LRRC4C: variants seen among roughly 807,000 people sequenced by gnomAD.
The protein encoded by LRRC4C is leucine rich repeat containing 4C, also known as leucine-rich repeat-containing protein 4C.
A neutral mutation model predicts 33.6 loss-of-function variants in LRRC4C; 5 were observed. That is an observed-to-expected ratio of 0.15 (90% CI 0.08 to 0.31). The LOEUF (loss-of-function observed/expected upper bound fraction) is 0.31, where lower values mean the gene tolerates loss of function less well. Among genes scored for constraint, LRRC4C ranks in the 10% least tolerant of loss-of-function variants. LRRC4C has a pLI of 1.00. For synonymous variants in LRRC4C, 329 were observed against 302.0 expected (o/e 1.09, Z -0.93); for missense variants, 560 against 796.7 (o/e 0.70, Z 3.58).
chr11:40,202,228 A>C (rs925529096), intron 5 of LRRC4C, among the ~76,000 whole-genome samples: 15 of 151,424 alleles, frequency 9.9e-5, no homozygotes, highest in Middle Eastern at 3.2e-3. Context: ...AAAAAAAAAA[A>C]AAAAAAAAAA....
intron 1 of LRRC4C, among the ~76,000 whole-genome samples, chr11:41,114,057 A>G (rs1055147988): frequency 6.6e-6 from 1 of 152,070 alleles, no homozygotes; most frequent in African/African-American, 2.4e-5. Context: ...GCTAATGTAT[A>G]TATGTCTTTT....
At chr11:40,599,615 A>C (rs1225627925) in intron 3 of LRRC4C, among the ~76,000 whole-genome samples, 3 of 152,140 alleles carry the variant, frequency 2.0e-5, no homozygotes, top group African/African-American at 7.2e-5. Context: ...CACTAGAATG[A>C]ATGCTGGATG....
chr11:40,658,974 G>A (rs1943274796), intron 2 of LRRC4C, among the ~76,000 whole-genome samples: 1 of 152,198 alleles, frequency 6.6e-6, no homozygotes, highest in Admixed American at 6.5e-5. Context: ...TGAGAGCCCT[G>A]CACCCTAATG....
At chr11:41,078,328 T>C (rs1939308826) in intron 1 of LRRC4C, among the ~76,000 whole-genome samples, 1 of 152,198 alleles carries the variant, frequency 6.6e-6, no homozygotes, top group Non-Finnish European at 1.5e-5. Flanking sequence ...CATTTTCAGG[T>C]ATCTTTATGG....
intron 1 of LRRC4C, among the ~76,000 whole-genome samples, chr11:41,107,475 G>A (rs1404917384): frequency 1.3e-5 from 2 of 151,874 alleles, no homozygotes; most frequent in East Asian, 3.9e-4. Flanking sequence ...GGCCTTTAAG[G>A]AGTATTTATG....
Position 40,602,166 on chromosome 11 carries a change from G to C in LRRC4C, c.-270+45976C>G, listed in dbSNP as rs540359384. 1.5e-3 allele frequency among the ~76,000 whole-genome samples: 200 copies of C among 135,370 alleles called. 1 individual carries two copies. Among genetic ancestry groups the C allele is most frequent in the African/African-American group, 5.2e-3 (193 of 36,964 alleles). 88.8% of individuals were successfully genotyped at this position (135,370 alleles called of 152,430 possible). ...GCTGAGATCGTGCCACTGCACTCCA[G>C]CCTGACAACAGAGTGAGAATCTGTC... On this transcript the variant is annotated intron_variant, in intron 3 of 6. Coordinates refer to ENST00000528697, the MANE Select transcript of LRRC4C (RefSeq NM_001258419.2).
At chr11:40,130,908 G>C (rs946527467) in intron 6 of LRRC4C, among the ~76,000 whole-genome samples, 2 of 152,030 alleles carry the variant, frequency 1.3e-5, no homozygotes, top group African/African-American at 4.8e-5. Flanking sequence ...TACCCAGTCA[G>C]AGCCAATTTT....
intron 1 of LRRC4C, among the ~76,000 whole-genome samples, chr11:41,051,547 A>AAAAAAAAAAAAAAAG (rs1858220640): frequency 7.1e-6 from 1 of 141,682 alleles, no homozygotes; most frequent in Non-Finnish European, 1.5e-5. Flanking sequence ...AAAAAAAAAA[A>AAAAAAAAAAAAAAAG]AAAAAAGGAA....
rs571507516 is a variant in LRRC4C at position 40,447,293 on chromosome 11, T to A, written c.-269-127572A>T. On this transcript the variant is annotated intron_variant, in intron 3 of 6. Transcript: ENST00000528697. ...TACTGGAGACATCATTTCTTCTTGC[T>A]TTGGAAACAAATAGAGAACTCTAGA... 1.5e-4 allele frequency among the ~76,000 whole-genome samples: 23 copies of A among 152,318 alleles called. No individual in the cohort carries two copies. The South Asian group carries it at 4.8e-3, about 32-fold the overall frequency.
In LRRC4C at chr11:40,764,996, T is replaced by A. The variant is rs1949384214; in HGVS notation, c.-406-116718A>T. 2.6e-5 allele frequency among the ~76,000 whole-genome samples: 4 copies of A among 152,120 alleles called. No individual in the cohort carries two copies. The South Asian group carries it at 8.3e-4, about 32-fold the overall frequency. Reference sequence around the variant, plus strand: ...ACGAAGGATAGGTACAAACTATTAATATATTAAATATCCAACTCTTCAGTG... The same window carrying A: ...ACGAAGGATAGGTACAAACTATTAAAATATTAAATATCCAACTCTTCAGTG... On this transcript the variant is annotated intron_variant, in intron 2 of 6. Coordinates refer to ENST00000528697, the MANE Select transcript of LRRC4C (RefSeq NM_001258419.2).
intron 2 of LRRC4C, among the ~76,000 whole-genome samples, chr11:40,905,489 A>G (rs1956377680): frequency 6.6e-6 from 1 of 152,210 alleles, no homozygotes; most frequent in Admixed American, 6.5e-5. Context: ...TCTGAGCACA[A>G]GAAAACCCTT....
intron 1 of LRRC4C, among the ~76,000 whole-genome samples, chr11:40,936,063 T>TATATATATAA (rs1957881631): frequency 1.1e-5 from 1 of 92,776 alleles, no homozygotes; most frequent in Non-Finnish European, 2.3e-5. Flanking sequence ...TATATATATA[T>TATATATATAA]ATAACATAGT....
intron 6 of LRRC4C, among the ~76,000 whole-genome samples, chr11:40,125,331 G>A (rs1856135657): frequency 6.6e-6 from 1 of 152,070 alleles, no homozygotes; most frequent in Non-Finnish European, 1.5e-5. Context: ...GGCCAAGAGG[G>A]GAGGCAGCCT....
chr11:41,039,661 A>G (rs569192793), intron 1 of LRRC4C, among the ~76,000 whole-genome samples: 2 of 152,314 alleles, frequency 1.3e-5, no homozygotes, highest in African/African-American at 2.4e-5. Context: ...GCTTCTCTTA[A>G]CATACCAGGA....
chr11:40,467,517 G>T (rs750331625), intron 3 of LRRC4C, among the ~76,000 whole-genome samples: 1 of 152,072 alleles, frequency 6.6e-6, no homozygotes, highest in African/African-American at 2.4e-5. Context: ...TTTTTAGAGC[G>T]CTGGAAACCT....
At chr11:40,215,357 C>T (rs79747007) in intron 5 of LRRC4C, among the ~76,000 whole-genome samples, 2,184 of 152,100 alleles carry the variant, frequency 0.014, 54 homozygotes, top group African/African-American at 0.047. Context: ...TGCTCTCCAC[C>T]CTGTAACCTC....
intron 1 of LRRC4C, among the ~76,000 whole-genome samples, chr11:41,375,144 C>T (rs1952891465): frequency 6.6e-6 from 1 of 151,802 alleles, no homozygotes; most frequent in African/African-American, 2.4e-5. Context: ...AATAAATAGA[C>T]TATTACAGAA....
chr11:41,039,716 C>T (rs1857311573), intron 1 of LRRC4C, among the ~76,000 whole-genome samples: 1 of 152,220 alleles, frequency 6.6e-6, no homozygotes, highest in African/African-American at 2.4e-5. Flanking sequence ...CAAAAATTGG[C>T]TAGAATGAAG....
At chr11:40,835,828 T>G (rs1952644678) in intron 2 of LRRC4C, among the ~76,000 whole-genome samples, 1 of 152,202 alleles carries the variant, frequency 6.6e-6, no homozygotes. Flanking sequence ...TTAATAGCAT[T>G]CCTTTCCGTC....
Sources: allele counts gnomAD v4.1 joint callset (sites outside exome capture counted in the v4.1 genomes callset), GRCh38; gene constraint gnomAD v4.1.1; transcripts MANE v1.5; gene names NCBI Gene and HGNC (gene_info 2026-07-23, HGNC 2026-07-21).